Variants in ASTN2 observed in about 807,000 individuals in gnomAD.
ASTN2 encodes the protein astrotactin-2.
A neutral mutation model predicts 139.8 loss-of-function variants in ASTN2; 54 were observed. That is an observed-to-expected ratio of 0.39 (90% CI 0.31 to 0.48). ASTN2 has a LOEUF of 0.48. Ranked by LOEUF, ASTN2 falls within the 20% of genes least tolerant of loss-of-function variation. ASTN2 has a pLI of 0.95. For synonymous variants in ASTN2, 756 were observed against 719.5 expected (o/e 1.05, Z -0.81); for missense variants, 1,565 against 1,725.1 (o/e 0.91, Z 1.64).
chr9:117,095,493 C>G (rs916562653), intron 5 of ASTN2, among the ~76,000 whole-genome samples: 1 of 152,184 alleles, frequency 6.6e-6, no homozygotes, highest in Non-Finnish European at 1.5e-5. Context: ...CACACGGTAT[C>G]TTATTTATAC....
At chr9:116,620,499 A>G (rs1313564737) in intron 17 of ASTN2, 56 bp from the exon 18 acceptor site, 1 of 1,607,482 alleles carries the variant, frequency 6.2e-7, no homozygotes, top group East Asian at 2.2e-5. Flanking sequence ...AGAGATTGAG[A>G]GTAAATGTGC....
chr9:116,586,841 C>CAT (rs1854176283), intron 19 of ASTN2, among the ~76,000 whole-genome samples: 1 of 145,638 alleles, frequency 6.9e-6, no homozygotes, highest in African/African-American at 2.7e-5. Flanking sequence ...TACACACACA[C>CAT]ACACACACAC....
At chr9:117,172,949 A>G (rs565619910) in intron 3 of ASTN2, among the ~76,000 whole-genome samples, 151 of 151,956 alleles carry the variant, frequency 9.9e-4, no homozygotes, top group Admixed American at 1.8e-3. Flanking sequence ...GTGAAATCAG[A>G]CTCAACTAAG....
chr9:116,695,982 TACTG>T (rs1860829536), intron 16 of ASTN2, among the ~76,000 whole-genome samples: 1 of 152,196 alleles, frequency 6.6e-6, no homozygotes, highest in Non-Finnish European at 1.5e-5. Context: ...TTTCAAATCT[TACTG>T]ACTATACTTC....
At chr9:116,830,788 T>G (rs1170082991) in intron 11 of ASTN2, among the ~76,000 whole-genome samples, 2 of 119,576 alleles carry the variant, frequency 1.7e-5, no homozygotes, top group East Asian at 2.8e-4. Flanking sequence ...TGAGACCCTA[T>G]GTCAAAAAAA....
Position 116,493,585 on chromosome 9 carries a change from C to T in ASTN2, c.3356-6085G>A, listed in dbSNP as rs59349456. On this transcript the variant is annotated intron_variant, in intron 19 of 22. Coordinates refer to ENST00000313400, the MANE Select transcript of ASTN2 (RefSeq NM_001365068.1). ...AGCATGGATCAATTTTTCTAGAGGC[C>T]CCACCCCCTATTCCTCAATTCCCTC... is the stretch of plus-strand genomic sequence containing the variant. 0.013 allele frequency among the ~76,000 whole-genome samples: 1,980 copies of T among 152,088 alleles called. 190 individuals carry two copies. The East Asian group carries it at 0.2, about 15-fold the overall frequency.
At chr9:116,649,081 G>T (rs1173934473) in intron 17 of ASTN2, among the ~76,000 whole-genome samples, 3 of 152,078 alleles carry the variant, frequency 2.0e-5, no homozygotes, top group Non-Finnish European at 4.4e-5. Flanking sequence ...GTACTTACAT[G>T]TAACATATGC....
chr9:116,490,272 T>TAAAAAAAAAAAAAAAGAAA (rs1849472271), intron 19 of ASTN2, among the ~76,000 whole-genome samples: 1 of 37,912 alleles, frequency 2.6e-5, no homozygotes, highest in Non-Finnish European at 4.5e-5. Flanking sequence ...TGATAAAAAG[T>TAAAAAAAAAAAAAAAGAAA]AAAAAAAAAA....
chr9:116,803,508 ATATATATATATATATTTTT>A (rs1334290106), intron 13 of ASTN2, among the ~76,000 whole-genome samples: 3 of 7,082 alleles, frequency 4.2e-4, no homozygotes, highest in Admixed American at 2.5e-3. Flanking sequence ...ATATATATAT[ATATATATATATATATTTTT>A]TTTTTTTTTT....
chr9:116,713,016 T>C (rs1828210858), intron 16 of ASTN2, among the ~76,000 whole-genome samples: 1 of 152,106 alleles, frequency 6.6e-6, no homozygotes, highest in Non-Finnish European at 1.5e-5. Context: ...CATGTGACCT[T>C]TGGACACATG....
Position 117,291,472 on chromosome 9 carries a change from T to G in ASTN2, c.484A>C (p.Arg162=), listed in dbSNP as rs1306125094. Reference sequence around the variant, plus strand: ...GTGCCATTCTCCAGCCACTGCTGTCTCCAGTGCACCAGCGAGATGTCCGCT... The same window carrying G: ...GTGCCATTCTCCAGCCACTGCTGTCGCCAGTGCACCAGCGAGATGTCCGCT... The part of the protein sequence containing the change: ...TAADISLVHW[R]QQWLENGTLY... Residue 162 remains arginine (R), a synonymous_variant, in exon 2 of 23, where the codon AGA becomes CGA. Coordinates refer to ENST00000313400, the MANE Select transcript of ASTN2 (RefSeq NM_001365068.1). 3 of 1,613,570 alleles carry G rather than the reference T, an allele frequency of 1.9e-6. No individual in the cohort carries two copies. The highest frequency in any genetic ancestry group is 2.5e-6 in the Non-Finnish European group (3 of 1,179,746).
intron 5 of ASTN2, among the ~76,000 whole-genome samples, chr9:117,094,201 GGAGA>G (rs1828782988): frequency 7.2e-6 from 1 of 138,590 alleles, no homozygotes; most frequent in Non-Finnish European, 1.6e-5. Flanking sequence ...GGAGAGGAGA[GGAGA>G]GGAGAGGAGA....
chr9:116,771,263 A>G (rs1829946918), intron 13 of ASTN2, among the ~76,000 whole-genome samples: 1 of 152,130 alleles, frequency 6.6e-6, no homozygotes, highest in African/African-American at 2.4e-5. Context: ...CAGTCAGACT[A>G]GACAAGACCT....
intron 11 of ASTN2, among the ~76,000 whole-genome samples, chr9:116,851,784 A>G (rs1249691384): frequency 6.6e-6 from 1 of 152,194 alleles, no homozygotes; most frequent in Non-Finnish European, 1.5e-5. Context: ...GGAGAACCTC[A>G]TCTTCTCCCT....
At chr9:116,552,903 A>T (rs2119412373) in intron 19 of ASTN2, among the ~76,000 whole-genome samples, 1 of 152,334 alleles carries the variant, frequency 6.6e-6, no homozygotes. Context: ...TTACAGTGGA[A>T]ATCCATTAAA....
intron 13 of ASTN2, among the ~76,000 whole-genome samples, chr9:116,758,420 T>C (rs1001897690): frequency 1.2e-4 from 19 of 152,190 alleles, no homozygotes; most frequent in Admixed American, 5.9e-4. Flanking sequence ...CAGGGGTCAC[T>C]GGTATGACAG....
At chr9:116,709,451 G>GA (rs1453743010) in intron 16 of ASTN2, among the ~76,000 whole-genome samples, 1 of 152,208 alleles carries the variant, frequency 6.6e-6, no homozygotes, top group Non-Finnish European at 1.5e-5. Context: ...CCCTGATAAT[G>GA]AAACAGGACC....
intron 10 of ASTN2, among the ~76,000 whole-genome samples, chr9:116,942,666 C>T (rs1462179007): frequency 1.3e-5 from 2 of 152,196 alleles, no homozygotes; most frequent in Admixed American, 1.3e-4. Context: ...TGAGGGCTTC[C>T]CTGAGCAGGT....
At chr9:117,225,756 A>G (rs1163302461) in intron 2 of ASTN2, among the ~76,000 whole-genome samples, 1 of 151,574 alleles carries the variant, frequency 6.6e-6, no homozygotes, top group East Asian at 2.0e-4. Flanking sequence ...GCTCTAATAC[A>G]GGAATAATGC....
Sources: gnomAD v4.1 joint callset for allele counts (sites outside exome capture counted in the v4.1 genomes callset) on GRCh38, gnomAD v4.1.1 for gene constraint, MANE v1.5 for transcripts, NCBI Gene and HGNC (gene_info 2026-07-23, HGNC 2026-07-21) for gene names.